Variants in STAT1 observed in about 807,000 individuals in gnomAD.
The protein encoded by STAT1 is signal transducer and activator of transcription 1, also known as signal transducer and activator of transcription 1-alpha/beta.
STAT1 carries 24 observed loss-of-function variants against 111.7 expected under a neutral mutation model. That is an observed-to-expected ratio of 0.21 (90% CI 0.16 to 0.30). The LOEUF is 0.30. Among genes scored for constraint, STAT1 ranks in the 10% least tolerant of loss-of-function variants. The pLI is 1.00. For missense variants in STAT1, 351 were observed against 911.9 expected (o/e 0.38, Z 7.92); for synonymous variants, 332 against 326.5 (o/e 1.02, Z -0.18).
intron 5 of STAT1, among the ~76,000 whole-genome samples, chr2:191,005,254 T>C (rs1466360599): frequency 6.6e-6 from 1 of 152,202 alleles, no homozygotes; most frequent in East Asian, 1.9e-4. Flanking sequence ...CTCCTTACTC[T>C]TCTAGTCCCC....
At chr2:191,002,722 T>G (rs1559022008) in intron 5 of STAT1, among the ~76,000 whole-genome samples, 1 of 152,180 alleles carries the variant, frequency 6.6e-6, no homozygotes, top group South Asian at 2.1e-4. Context: ...GCATCCTTGC[T>G]GTGTTTCTGA....
In STAT1 at chr2:190,989,587, A is replaced by G; in HGVS notation, c.1097+28T>C. On this transcript the variant is annotated intron_variant, in intron 12 of 24. Coordinates refer to ENST00000361099, the MANE Select transcript of STAT1 (RefSeq NM_007315.4). This position sits in a 1 kb window ranked among gnomAD's most constrained non-coding sequence, Gnocchi z 5.0. ...AAATCAACATTTCAATAGTACATGT[A>G]TGTTATATAATGTTAAAGATATCTT... The G allele has an allele frequency of 7.8e-7, 1 of 1,283,086 alleles. No individual in the cohort carries two copies. Among genetic ancestry groups the G allele is most frequent in the Non-Finnish European group, 1.1e-6 (1 of 899,492 alleles). The allele number at this position is 1,283,086 out of a possible 1,614,324, so 79.5% of individuals were successfully genotyped here. A position where few individuals can be genotyped will look rare whatever the true frequency, so the allele number is the denominator to read the frequency against.
In STAT1 at chr2:190,970,599, T is replaced by C; in HGVS notation, c.*104A>G. ...GTTGCAGCGAATTTGCTGGCCTTTCTTTCATTTCCCTAGAAACACAGGATG... is the reference window on the plus strand; with the variant it reads ...GTTGCAGCGAATTTGCTGGCCTTTCCTTCATTTCCCTAGAAACACAGGATG... On this transcript the variant is annotated 3_prime_UTR_variant, in exon 25 of 25. Transcript: ENST00000361099. This position sits in a 1 kb window ranked among gnomAD's most constrained non-coding sequence, Gnocchi z 5.4. 1 of 1,385,900 alleles carries C rather than the reference T, an allele frequency of 7.2e-7. No homozygotes were observed. Among genetic ancestry groups the C allele is most frequent in the Non-Finnish European group, 1.0e-6 (1 of 976,802 alleles). The allele number at this position is 1,385,900 out of a possible 1,614,324, so 85.9% of individuals were successfully genotyped here. A position where few individuals can be genotyped will look rare whatever the true frequency, so the allele number is the denominator to read the frequency against.
chr2:190,980,896 G>T lies in STAT1; in HGVS notation c.1583-227C>A, dbSNP rs913020973. Among the ~76,000 whole-genome samples the T allele has an allele frequency of 6.6e-6, 1 of 152,186 alleles. No individual in the cohort carries two copies. Among genetic ancestry groups the T allele is most frequent in the Non-Finnish European group, 1.5e-5 (1 of 68,038 alleles). ...AATGGTCTAAAATATGTATATGTTGGTTTGAGTTTAATGGCAGAAAGGAAT... is the reference window on the plus strand; with the variant it reads ...AATGGTCTAAAATATGTATATGTTGTTTTGAGTTTAATGGCAGAAAGGAAT... On this transcript the variant is annotated intron_variant, in intron 18 of 24. Transcript: ENST00000361099. The surrounding 1 kb of genome is among the most constrained non-coding windows in gnomAD (Gnocchi z 6.1).
At position 191,004,205 on chromosome 2, in the gene STAT1, C is replaced by T. The variant is rs1051899957; in HGVS notation, c.373-3042G>A. The stretch of plus-strand genomic sequence containing the variant: ...TTGGCTGCTCCTGTACACTTTAGTA[C>T]TGATACCACTTTCACAGTGAGTCCT... On this transcript the variant is annotated intron_variant, in intron 5 of 24. Coordinates refer to ENST00000361099, the MANE Select transcript of STAT1 (RefSeq NM_007315.4). This position sits in a 1 kb window ranked among gnomAD's most constrained non-coding sequence, Gnocchi z 5.0. 1.1e-4 allele frequency among the ~76,000 whole-genome samples: 16 copies of T among 152,210 alleles called. No homozygotes were observed. Among genetic ancestry groups the T allele is most frequent in the African/African-American group, 3.9e-4 (16 of 41,450 alleles).
Position 190,980,890 on chromosome 2 carries a change from A to G in STAT1, c.1583-221T>C, listed in dbSNP as rs183344573. Among the ~76,000 whole-genome samples, 1 of 152,302 alleles carries G rather than the reference A, an allele frequency of 6.6e-6. No individual in the cohort carries two copies. ...AATTTAAATGGTCTAAAATATGTAT[A>G]TGTTGGTTTGAGTTTAATGGCAGAA... On this transcript the variant is annotated intron_variant, in intron 18 of 24. Transcript: ENST00000361099. The surrounding 1 kb of genome is among the most constrained non-coding windows in gnomAD (Gnocchi z 6.1).
Position 190,981,683 on chromosome 2 carries a change from G to A in STAT1, c.1582+700C>T, listed in dbSNP as rs1303786398. Among the ~76,000 whole-genome samples, 1 of 152,246 alleles carries A rather than the reference G, an allele frequency of 6.6e-6. No individual in the cohort carries two copies. ...GAGCCTACTGCTGTTTGGAGTAAATGCAGTGCTGCTCTACAGAAAGCAAAT... is the reference window on the plus strand; with the variant it reads ...GAGCCTACTGCTGTTTGGAGTAAATACAGTGCTGCTCTACAGAAAGCAAAT... On this transcript the variant is annotated intron_variant, in intron 18 of 24. Coordinates refer to ENST00000361099, the MANE Select transcript of STAT1 (RefSeq NM_007315.4). The surrounding 1 kb of genome is among the most constrained non-coding windows in gnomAD (Gnocchi z 4.1).
chr2:191,001,749 C>T (rs1694284585), intron 5 of STAT1, among the ~76,000 whole-genome samples: 1 of 152,136 alleles, frequency 6.6e-6, no homozygotes, highest in South Asian at 2.1e-4. Flanking sequence ...AGTATTCAGT[C>T]CTATTTTTGA....
rs1691462326 is a variant in STAT1 at position 190,971,539 on chromosome 2, A to C, written c.2239-822T>G. 6.6e-6 allele frequency among the ~76,000 whole-genome samples: 1 copy of C among 152,164 alleles called. No homozygotes were observed. Among genetic ancestry groups the C allele is most frequent in the South Asian group, 2.1e-4 (1 of 4,828 alleles). ...CCGAATACCAGTAGCACCAAGACTG[A>C]GACACATGGCACTAGACTGGAAAGC... On this transcript the variant is annotated intron_variant, in intron 24 of 24. Coordinates refer to ENST00000361099, the MANE Select transcript of STAT1 (RefSeq NM_007315.4). This position sits in a 1 kb window ranked among gnomAD's most constrained non-coding sequence, Gnocchi z 4.1.
chr2:190,988,262 G>C (rs1268906846), intron 12 of STAT1, among the ~76,000 whole-genome samples: 1 of 152,206 alleles, frequency 6.6e-6, no homozygotes, highest in African/African-American at 2.4e-5. Flanking sequence ...CTGAGTCCCA[G>C]TCATGTAATA....
intron 5 of STAT1, 43 bp from the exon 6 acceptor site, chr2:191,001,206 G>GGTGT (rs1455838589): frequency 8.7e-6 from 13 of 1,499,850 alleles, no homozygotes; most frequent in Non-Finnish European, 1.2e-5. Flanking sequence ...TTTTCTTCAG[G>GGTGT]GTGTGTACTT....
rs41511150 is a variant in STAT1 at position 190,989,913 on chromosome 2, C to A, written c.1038-239G>T. The stretch of plus-strand genomic sequence containing the variant: ...TGTAACACTAATTCTGACAGGATGC[C>A]GCCCTGATTTTACATTGCCACCAAA... On this transcript the variant is annotated intron_variant, in intron 11 of 24. Transcript: ENST00000361099. This position sits in a 1 kb window ranked among gnomAD's most constrained non-coding sequence, Gnocchi z 5.0. Among the ~76,000 whole-genome samples, 34,706 of 152,114 alleles carry A rather than the reference C, an allele frequency of 0.23. 5,012 individuals are homozygous for A. Among genetic ancestry groups the A allele is most frequent in the African/African-American group, 0.37 (15,411 of 41,464 alleles).
chr2:190,987,029 C>T lies in STAT1; in HGVS notation c.1127+10G>A, dbSNP rs140665796. 195 of 1,610,896 alleles carry T rather than the reference C, an allele frequency of 1.2e-4. No individual in the cohort carries two copies. The highest frequency in any genetic ancestry group is 8.7e-4 in the Middle Eastern group (5 of 5,774). The stretch of plus-strand genomic sequence containing the variant: ...ATATAGCACAGTATAGCGTAAAGTA[C>T]GTCACGTACCCTTTTACTGTATTTC... On this transcript the variant is annotated intron_variant, in intron 13 of 24. Coordinates refer to ENST00000361099, the MANE Select transcript of STAT1 (RefSeq NM_007315.4). The surrounding 1 kb of genome is among the most constrained non-coding windows in gnomAD (Gnocchi z 4.0).
In STAT1 at chr2:190,983,687, A is replaced by G. The variant is rs775003532; in HGVS notation, c.1401T>C (p.Gly467=). The change falls in exon 17 of 25, where the codon GGT becomes GGC. Residue 467 remains glycine, a synonymous_variant. Coordinates refer to ENST00000361099, the MANE Select transcript of STAT1 (RefSeq NM_007315.4). The surrounding 1 kb of genome is among the most constrained non-coding windows in gnomAD (Gnocchi z 5.7). ...VISNVSQLPS[G]WASILWYNML... ...TGTTGTACCAAAGGATGGAGGCCCA[A>G]CCGCTCGGGAGCTGGCTGACGTTGG... 1.9e-6 allele frequency: 3 copies of G among 1,614,194 alleles called. No individual in the cohort carries two copies. The highest frequency in any genetic ancestry group is 2.5e-6 in the Non-Finnish European group (3 of 1,180,032).
At position 190,986,770 on chromosome 2, in the gene STAT1, TG is replaced by T; in HGVS notation, c.1221+83del. 1 of 1,335,394 alleles carries T rather than the reference TG, an allele frequency of 7.5e-7. No individual in the cohort carries two copies. The highest frequency in any genetic ancestry group is 1.1e-6 in the Non-Finnish European group (1 of 927,036). The allele number at this position is 1,335,394 out of a possible 1,614,324, so 82.7% of individuals were successfully genotyped here. A position where few individuals can be genotyped will look rare whatever the true frequency, so the allele number is the denominator to read the frequency against. The stretch of plus-strand genomic sequence containing the variant: ...CCCCAGCAGGGGGGCGTCCTCCACA[TG>T]GCAATGTGCCAAAAAGGGCTGCTCT... On this transcript the variant is annotated intron_variant, in intron 14 of 24. Transcript: ENST00000361099. The surrounding 1 kb of genome is among the most constrained non-coding windows in gnomAD (Gnocchi z 5.0).
rs753177568 is a variant in STAT1, at chr2:190,979,884, C to G, written c.1633-18G>C. The stretch of plus-strand genomic sequence containing the variant: ...ATATTTTCCTGAAAGTATACAAATG[C>G]AGACATTATGAACAAAAATCTAAAA... On this transcript the variant is annotated intron_variant, in intron 19 of 24. Coordinates refer to ENST00000361099, the MANE Select transcript of STAT1 (RefSeq NM_007315.4). This position sits in a 1 kb window ranked among gnomAD's most constrained non-coding sequence, Gnocchi z 5.8. 9 of 1,537,260 alleles carry G rather than the reference C, an allele frequency of 5.9e-6. No homozygotes were observed. In the East Asian group the frequency reaches 2.0e-4, roughly 35 times the overall value.
Position 191,007,916 on chromosome 2 carries a change from C to T in STAT1, c.274-255G>A. The T allele has an allele frequency of 3.6e-6, 2 of 549,294 alleles. No individual in the cohort carries two copies. The highest frequency in any genetic ancestry group is 3.3e-5 in the South Asian group (2 of 60,636). 34.0% of individuals were successfully genotyped at this position (549,294 alleles called of 1,614,324 possible). The stretch of plus-strand genomic sequence containing the variant: ...AACAAGTATTTTCACATATGGTTCA[C>T]ATAATATTTTTACTTTAATATCTTT... On this transcript the variant is annotated intron_variant, in intron 4 of 24. Transcript: ENST00000361099. This position sits in a 1 kb window ranked among gnomAD's most constrained non-coding sequence, Gnocchi z 4.2.
chr2:190,985,794 G>C, intron 14 of STAT1, 134 bp from the exon 15 acceptor site: 1 of 983,294 alleles, frequency 1.0e-6, no homozygotes, highest in Non-Finnish European at 1.6e-6. Flanking sequence ...CAGAACATGG[G>C]ACAAATTGGC....
intron 5 of STAT1, among the ~76,000 whole-genome samples, chr2:191,005,881 C>A (rs1049000975): frequency 5.3e-5 from 8 of 152,206 alleles, no homozygotes; most frequent in African/African-American, 1.9e-4. Flanking sequence ...CCCAAGAAGG[C>A]TTTGCAAAGG....
Sources: gnomAD v4.1 joint callset for allele counts (sites outside exome capture counted in the v4.1 genomes callset) on GRCh38, gnomAD v4.1.1 for gene constraint, Gnocchi (gnomAD v3.1) non-coding constraint, MANE v1.5 for transcripts, NCBI Gene and HGNC (gene_info 2026-07-23, HGNC 2026-07-21) for gene names.